Variants in SEMA3E observed in about 807,000 individuals in gnomAD.
SEMA3E encodes semaphorin 3E.
SEMA3E carries 49 observed loss-of-function variants against 93.6 expected under a neutral mutation model. The ratio of observed to expected loss-of-function variants is 0.52; its 90% CI spans 0.42 to 0.66. The LOEUF is 0.66. Ranked by LOEUF, SEMA3E falls within the 30% of genes least tolerant of loss-of-function variation. The pLI is 0.00. For missense variants in SEMA3E, 906 were observed against 964.8 expected (o/e 0.94, Z 0.81); for synonymous variants, 363 against 330.7 (o/e 1.10, Z -1.06).
At chr7:83,486,807 T>C (rs1170400663) in intron 2 of SEMA3E, among the ~76,000 whole-genome samples, 1 of 152,038 alleles carries the variant, frequency 6.6e-6, no homozygotes, top group Non-Finnish European at 1.5e-5. Context: ...AGAGGAGTCT[T>C]TGCAATTTTG....
intron 1 of SEMA3E, among the ~76,000 whole-genome samples, chr7:83,593,577 A>T (rs1011569631): frequency 6.6e-6 from 1 of 152,068 alleles, no homozygotes; most frequent in Non-Finnish European, 1.5e-5. Context: ...GATTCTTTCT[A>T]TAAACCCTGG....
At chr7:83,557,300 G>T (rs1373596234) in intron 1 of SEMA3E, among the ~76,000 whole-genome samples, 1 of 151,200 alleles carries the variant, frequency 6.6e-6, no homozygotes, top group Non-Finnish European at 1.5e-5. Context: ...GAATTTATAT[G>T]AATCTATAAA....
intron 1 of SEMA3E, among the ~76,000 whole-genome samples, chr7:83,596,265 T>C (rs970489802): frequency 6.6e-6 from 1 of 151,980 alleles, no homozygotes; most frequent in Non-Finnish European, 1.5e-5. Context: ...CTTTTCTGTC[T>C]TTTTCCTTCT....
intron 4 of SEMA3E, among the ~76,000 whole-genome samples, chr7:83,451,307 A>G (rs1377319077): frequency 6.6e-6 from 1 of 152,194 alleles, no homozygotes; most frequent in African/African-American, 2.4e-5. Flanking sequence ...AATTCCTTTT[A>G]TAAACACTTT....
chr7:83,392,778 T>G (rs1428366298), intron 13 of SEMA3E, 57 bp from the exon 14 acceptor site: 33 of 1,486,542 alleles, frequency 2.2e-5, no homozygotes, highest in Non-Finnish European at 3.0e-5. Context: ...CACTGAGCTA[T>G]TACACCTAGT....
chr7:83,648,424 C>T lies in SEMA3E; in HGVS notation c.115+4G>A, dbSNP rs1406588957. On this transcript the variant is annotated splice_donor_region_variant and intron_variant, in intron 1 of 16. Coordinates refer to ENST00000643230, the MANE Select transcript of SEMA3E (RefSeq NM_012431.3). ...AAACAAAAGGATCTGGAAAGGTAAC[C>T]TACCTTTATGTGACAGGCGTAACCG... 9.7e-6 allele frequency: 15 copies of T among 1,546,064 alleles called. No individual in the cohort carries two copies. The highest frequency in any genetic ancestry group is 4.2e-5 in the African/African-American group (3 of 71,726).
At chr7:83,372,001 T>C (rs1414035139) in intron 16 of SEMA3E, 1 of 336,176 alleles carries the variant, frequency 3.0e-6, no homozygotes, top group African/African-American at 2.1e-5. Context: ...TTCAAACATA[T>C]AAGTTTTTAA....
At chr7:83,604,683 G>C (rs896792390) in intron 1 of SEMA3E, among the ~76,000 whole-genome samples, 7 of 151,726 alleles carry the variant, frequency 4.6e-5, no homozygotes, top group African/African-American at 1.5e-4. Flanking sequence ...TTGTTACATA[G>C]GTATACGTGT....
intron 1 of SEMA3E, among the ~76,000 whole-genome samples, chr7:83,646,472 A>G (rs1794080952): frequency 6.6e-6 from 1 of 152,100 alleles, no homozygotes; most frequent in South Asian, 2.1e-4. Context: ...TTTACTAACT[A>G]AATTGCACAA....
At chr7:83,646,129 G>A (rs1317310872) in intron 1 of SEMA3E, among the ~76,000 whole-genome samples, 1 of 151,986 alleles carries the variant, frequency 6.6e-6, no homozygotes. Context: ...GATGCTATAT[G>A]ACATATACCT....
chr7:83,571,289 A>G (rs1792281287), intron 1 of SEMA3E, among the ~76,000 whole-genome samples: 1 of 152,196 alleles, frequency 6.6e-6, no homozygotes, highest in Non-Finnish European at 1.5e-5. Flanking sequence ...CTTCAGGCCC[A>G]TATCCCTGAT....
chr7:83,616,390 T>A (rs150004801), intron 1 of SEMA3E, among the ~76,000 whole-genome samples: 149 of 152,262 alleles, frequency 9.8e-4, no homozygotes, highest in African/African-American at 3.4e-3. Flanking sequence ...GCCAAACATC[T>A]TAGAGATAAC....
intron 16 of SEMA3E, among the ~76,000 whole-genome samples, chr7:83,377,114 T>C (rs971712496): frequency 6.6e-6 from 1 of 152,066 alleles, no homozygotes; most frequent in East Asian, 1.9e-4. Flanking sequence ...CTTTGGGATA[T>C]ACTTAGATTT....
chr7:83,394,891 T>C (rs1788091322), intron 12 of SEMA3E, among the ~76,000 whole-genome samples: 1 of 152,228 alleles, frequency 6.6e-6, no homozygotes, highest in African/African-American at 2.4e-5. Context: ...ATTTATACCA[T>C]AGCTTTGGGA....
rs1342172541 is a variant in SEMA3E at position 83,368,204 on chromosome 7, T to C, written c.1876-166A>G. Among the ~76,000 whole-genome samples the C allele has an allele frequency of 2.4e-4, 17 of 69,904 alleles. No individual in the cohort carries two copies. The South Asian group carries it at 0.012, about 49-fold the overall frequency. 45.9% of individuals were successfully genotyped at this position (69,904 alleles called of 152,430 possible). A position where few individuals can be genotyped will look rare whatever the true frequency, so the allele number is the denominator to read the frequency against. On this transcript the variant is annotated intron_variant, in intron 16 of 16. Coordinates refer to ENST00000643230, the MANE Select transcript of SEMA3E (RefSeq NM_012431.3). Reference sequence around the variant, plus strand: ...TGCTAAATAATTACATCTCTCTCTCTCTCTCTGTGTGTGTGTGTGTGTGTG... The same window carrying C: ...TGCTAAATAATTACATCTCTCTCTCCCTCTCTGTGTGTGTGTGTGTGTGTG...
chr7:83,535,483 T>A (rs1400810329), intron 1 of SEMA3E, among the ~76,000 whole-genome samples: 1 of 151,974 alleles, frequency 6.6e-6, no homozygotes, highest in Admixed American at 6.6e-5. Context: ...AAATATGTTT[T>A]GCTTAGGTAA....
chr7:83,434,289 ATCTT>A (rs2115756901), intron 4 of SEMA3E, among the ~76,000 whole-genome samples: 1 of 152,274 alleles, frequency 6.6e-6, no homozygotes, highest in Admixed American at 6.5e-5. Context: ...CTGATCAAAA[ATCTT>A]TCTCTTACAA....
chr7:83,460,620 C>T (rs982965600), intron 4 of SEMA3E, among the ~76,000 whole-genome samples: 53 of 26,846 alleles, frequency 2.0e-3, no homozygotes, highest in East Asian at 0.026. Context: ...GTCTCTACCC[C>T]TTCTCTGCTT....
chr7:83,612,073 G>C (rs1320623827), intron 1 of SEMA3E, among the ~76,000 whole-genome samples: 1 of 152,000 alleles, frequency 6.6e-6, no homozygotes, highest in East Asian at 1.9e-4. Flanking sequence ...TTTCCTTCCA[G>C]GTTTCCAAAT....
Sources: gnomAD v4.1 joint callset for allele counts (sites outside exome capture counted in the v4.1 genomes callset) on GRCh38, gnomAD v4.1.1 for gene constraint, MANE v1.5 for transcripts, NCBI Gene and HGNC (gene_info 2026-07-23, HGNC 2026-07-21) for gene names.